Variants in ETNK2 observed in about 807,000 individuals in gnomAD.
The protein encoded by ETNK2 is ethanolamine kinase-like protein.
A neutral mutation model predicts 46.2 loss-of-function variants in ETNK2; 33 were observed. The observed-to-expected ratio is 0.71, with a 90% CI of 0.54 to 0.96. The LOEUF (loss-of-function observed/expected upper bound fraction) is 0.96, where lower values mean the gene tolerates loss of function less well. ETNK2 is among the 40% of genes least tolerant of loss of function. ETNK2 has a pLI of 0.00. For synonymous variants in ETNK2, 194 were observed against 209.0 expected, an observed-to-expected ratio of 0.93 and a Z score of 0.62; for missense variants, 445 against 509.7, an observed-to-expected ratio of 0.87 and a Z score of 1.22.
chr1:204,133,836 G>A (rs115694127), intron 7 of ETNK2, among the ~76,000 whole-genome samples: 29 of 152,248 alleles, frequency 1.9e-4, no homozygotes, highest in Non-Finnish European at 3.5e-4. Context: ...CGGCCTCACC[G>A]TGCTCTTCAT....
intron 3 of ETNK2, chr1:204,141,925 G>C (rs935720370): frequency 6.2e-6 from 1 of 160,776 alleles, no homozygotes; most frequent in Non-Finnish European, 1.4e-5. Context: ...AGCTCCCTAA[G>C]TCGAGCTGAC....
intron 5 of ETNK2, among the ~76,000 whole-genome samples, chr1:204,137,686 C>T (rs552987610): frequency 1.4e-4 from 22 of 152,226 alleles, no homozygotes; most frequent in African/African-American, 4.3e-4. Flanking sequence ...TATCACTGGC[C>T]GAAATTTCTT....
intron 3 of ETNK2, among the ~76,000 whole-genome samples, chr1:204,144,423 C>T (rs1261572228): frequency 6.8e-6 from 1 of 147,684 alleles, no homozygotes; most frequent in East Asian, 2.0e-4. Flanking sequence ...CAAAGTTGGG[C>T]ACTTCAGGGG....
intron 5 of ETNK2, among the ~76,000 whole-genome samples, chr1:204,137,600 C>G (rs1223272502): frequency 6.6e-6 from 1 of 152,160 alleles, no homozygotes; most frequent in Non-Finnish European, 1.5e-5. Flanking sequence ...AGGAGGCCCT[C>G]AGTTAAAAGC....
chr1:204,136,548 A>G (rs1362461965), intron 6 of ETNK2, among the ~76,000 whole-genome samples: 2 of 151,414 alleles, frequency 1.3e-5, no homozygotes, highest in Non-Finnish European at 2.9e-5. Context: ...CGTCTCTACT[A>G]AAAATACAAA....
intron 6 of ETNK2, among the ~76,000 whole-genome samples, chr1:204,136,403 G>GTATATATATA (rs35373627): frequency 0.01 from 1,447 of 139,728 alleles, 28 homozygotes; most frequent in African/African-American, 0.037. Flanking sequence ...CTCAAAAAAA[G>GTATATATATA]TATATATATA....
At position 204,137,225 on chromosome 1, in the gene ETNK2, A is replaced by C. The variant is rs761038426; in HGVS notation, c.893T>G (p.Leu298Arg). 5 of 1,613,896 alleles carry C rather than the reference A, an allele frequency of 3.1e-6. No individual in the cohort carries two copies. The highest frequency in any genetic ancestry group is 4.2e-6 in the Non-Finnish European group (5 of 1,179,816). The change falls in exon 6 of 8, where the codon CTG (leucine) becomes CGG (arginine). Residue 298 changes from leucine (L) to arginine (R), a missense_variant. Leu to Arg is a moderately radical substitution (Grantham distance 102). Transcript: ENST00000367202. ...CAGCTGGGTCTCCCGCGCCGGGTAC[A>C]GGCAGTAATCCACCTCATTCACGCC... is the stretch of plus-strand genomic sequence containing the variant. The part of the protein sequence containing the change: ...FAGVNEVDYC[L>R]YPARETQLQW...
At chr1:204,139,934 C>T (rs772909602) in intron 5 of ETNK2, 101 bp downstream of exon 5, 69 of 925,406 alleles carry the variant, frequency 7.5e-5, no homozygotes, top group African/African-American at 2.3e-4. Flanking sequence ...TACCTATTAC[C>T]GTAAATATAC....
chr1:204,142,893 G>A (rs1657614381), intron 3 of ETNK2: 1 of 152,186 alleles, frequency 6.6e-6, no homozygotes, highest in African/African-American at 2.4e-5. Context: ...GGGAAACTGA[G>A]GCTCAAGGAA....
intron 3 of ETNK2, chr1:204,141,710 A>G (rs1218115336): frequency 4.0e-6 from 2 of 495,366 alleles, no homozygotes; most frequent in Admixed American, 3.4e-5. Flanking sequence ...CAGAGCATAA[A>G]AGTCACTGAC....
Position 204,146,644 on chromosome 1 carries a change from G to A in ETNK2, c.639C>T (p.Pro213=). Residue 213 remains proline (P), a splice_region_variant and synonymous_variant, in exon 3 of 8, where the codon CCC becomes CCT. Transcript: ENST00000367202. The stretch of plus-strand genomic sequence containing the variant: ...TGGACCCTCCCAGATCTTTGTACCT[G>A]GGGTTGATCTCGTTCTTCACAAGCG... ...YFTLVKNEIN[P]SLSADVPKVE... is the part of the protein sequence containing the mutation. 3.7e-6 allele frequency: 6 copies of A among 1,613,994 alleles called. No homozygotes were observed. Among genetic ancestry groups the A allele is most frequent in the Non-Finnish European group, 5.1e-6 (6 of 1,179,880 alleles).
intron 3 of ETNK2, among the ~76,000 whole-genome samples, chr1:204,143,348 T>C (rs1164756015): frequency 6.6e-6 from 1 of 152,098 alleles, no homozygotes; most frequent in African/African-American, 2.4e-5. Context: ...GCTCTGTCCC[T>C]GACTTCAGTC....
chr1:204,134,389 G>A (rs1282464913), intron 7 of ETNK2, 126 bp downstream of exon 7: 4 of 1,051,032 alleles, frequency 3.8e-6, no homozygotes, highest in East Asian at 2.6e-5. Flanking sequence ...GAGCTGGAAC[G>A]GGGGCGAGTC....
intron 3 of ETNK2, 88 bp from the exon 4 acceptor site, chr1:204,141,545 C>CT (rs1335048565): frequency 4.9e-6 from 7 of 1,419,342 alleles, no homozygotes; most frequent in Non-Finnish European, 6.7e-6. Context: ...AGCCTCATCA[C>CT]TCCCTCTGTC....
Position 204,151,903 on chromosome 1 carries a change from G to C in ETNK2, c.-51C>G, listed in dbSNP as rs1438452066. The C allele has an allele frequency of 1.8e-5, 25 of 1,406,194 alleles. No homozygotes were observed. Among genetic ancestry groups the C allele is most frequent in the Non-Finnish European group, 2.1e-5 (23 of 1,087,144 alleles). The allele number at this position is 1,406,194 out of a possible 1,614,324, so 87.1% of individuals were successfully genotyped here. On this transcript the variant is annotated 5_prime_UTR_variant, in exon 1 of 8. Transcript: ENST00000367202. This position sits in a 1 kb window ranked among gnomAD's most constrained non-coding sequence, Gnocchi z 8.0. ...CCGCGGCAGACGCTAGCCCCGGCGG[G>C]GGGGTCCGGCGAGGGAGTGGGAGTG...
At position 204,146,639 on chromosome 1, in the gene ETNK2, T is replaced by C; in HGVS notation, c.641+3A>G. 1 of 1,613,994 alleles carries C rather than the reference T, an allele frequency of 6.2e-7. No homozygotes were observed. The highest frequency in any genetic ancestry group is 8.5e-7 in the Non-Finnish European group (1 of 1,179,858). ...AGCCTTGGACCCTCCCAGATCTTTG[T>C]ACCTGGGGTTGATCTCGTTCTTCAC... On this transcript the variant is annotated splice_donor_region_variant and intron_variant, in intron 3 of 7. Coordinates refer to ENST00000367202, the MANE Select transcript of ETNK2 (RefSeq NM_018208.4).
chr1:204,139,496 G>A (rs940596495), intron 5 of ETNK2, among the ~76,000 whole-genome samples: 1 of 152,176 alleles, frequency 6.6e-6, no homozygotes, highest in East Asian at 1.9e-4. Context: ...AATGAGACTT[G>A]GAACTCTCTA....
chr1:204,151,210 CG>C lies in ETNK2; in HGVS notation c.258+384del, dbSNP rs915971916. 5.4e-5 allele frequency: 13 copies of C among 242,524 alleles called. No homozygotes were observed. Among genetic ancestry groups the C allele is most frequent in the Middle Eastern group, 1.0e-3 (1 of 962 alleles). 15.0% of individuals were successfully genotyped at this position (242,524 alleles called of 1,614,324 possible). A position where few individuals can be genotyped will look rare whatever the true frequency, so the allele number is the denominator to read the frequency against. ...GCAATGTATGCATGTATGGCTGGGT[CG>C]GGGGGGCGGGGGGTCTCTTAAAAGT... On this transcript the variant is annotated intron_variant, in intron 1 of 7. Coordinates refer to ENST00000367202, the MANE Select transcript of ETNK2 (RefSeq NM_018208.4). This position sits in a 1 kb window ranked among gnomAD's most constrained non-coding sequence, Gnocchi z 8.0.
intron 6 of ETNK2, among the ~76,000 whole-genome samples, chr1:204,136,403 G>GTATATATATATATATATATATATATA (rs35373627): frequency 1.5e-4 from 21 of 139,806 alleles, no homozygotes; most frequent in African/African-American, 5.4e-4. Flanking sequence ...CTCAAAAAAA[G>GTATATATATATATATATATATATATA]TATATATATA....
Sources: allele counts gnomAD v4.1 joint callset (sites outside exome capture counted in the v4.1 genomes callset), GRCh38; gene constraint gnomAD v4.1.1; non-coding constraint Gnocchi (gnomAD v3.1); transcripts MANE v1.5; gene names NCBI Gene and HGNC (gene_info 2026-07-23, HGNC 2026-07-21).